RERG: variants seen among roughly 807,000 people sequenced by gnomAD.
RERG encodes the protein ras-related and estrogen-regulated growth inhibitor.
Under a neutral mutation model 23.2 loss-of-function variants are expected in RERG, and 25 were observed. That is an observed-to-expected ratio of 1.08 (90% CI 0.79 to 1.50). The LOEUF (loss-of-function observed/expected upper bound fraction) is 1.50. Ranked by LOEUF, RERG falls within the 40% of genes most tolerant of loss-of-function variation. The pLI is 0.00. For missense variants in RERG, 253 were observed against 250.1 expected (o/e 1.01, Z -0.08); for synonymous variants, 81 against 89.1 (o/e 0.91, Z 0.51).
intron 2 of RERG, among the ~76,000 whole-genome samples, chr12:15,123,107 GT>G (rs1863867353): frequency 6.6e-6 from 1 of 152,066 alleles, no homozygotes; most frequent in South Asian, 2.1e-4. Flanking sequence ...AGACTATGTA[GT>G]TTTAACACTA....
chr12:15,173,078 T>C (rs1343624028), intron 2 of RERG, among the ~76,000 whole-genome samples: 2 of 152,038 alleles, frequency 1.3e-5, no homozygotes, highest in Non-Finnish European at 2.9e-5. Flanking sequence ...CAAACACTCT[T>C]AGGTTTTATT....
At chr12:15,110,144 A>G (rs1414511722) in intron 4 of RERG, among the ~76,000 whole-genome samples, 3 of 152,036 alleles carry the variant, frequency 2.0e-5, no homozygotes, top group Non-Finnish European at 4.4e-5. Flanking sequence ...CAGAAACTCT[A>G]TTGAAGGGAT....
chr12:15,211,735 C>T (rs1206578117), intron 2 of RERG, among the ~76,000 whole-genome samples: 1 of 152,140 alleles, frequency 6.6e-6, no homozygotes, highest in Non-Finnish European at 1.5e-5. Flanking sequence ...GCTAATTCAC[C>T]TGGTTTGATC....
intron 2 of RERG, among the ~76,000 whole-genome samples, chr12:15,150,425 C>G (rs1181348248): frequency 1.3e-5 from 2 of 152,178 alleles, no homozygotes; most frequent in African/African-American, 4.8e-5. Flanking sequence ...TTGGAGCTCT[C>G]TGTTTCATTT....
intron 2 of RERG, among the ~76,000 whole-genome samples, chr12:15,159,824 A>T (rs1207680339): frequency 6.6e-6 from 1 of 151,466 alleles, no homozygotes; most frequent in Non-Finnish European, 1.5e-5. Flanking sequence ...ACTCCGTCTC[A>T]AACAAACAAA....
At chr12:15,143,869 G>A (rs1393734700) in intron 2 of RERG, among the ~76,000 whole-genome samples, 1 of 152,126 alleles carries the variant, frequency 6.6e-6, no homozygotes, top group Non-Finnish European at 1.5e-5. Context: ...TGTCATCTAG[G>A]CAAAGACCCA....
chr12:15,134,536 C>T (rs563652508), intron 2 of RERG, among the ~76,000 whole-genome samples: 3 of 151,990 alleles, frequency 2.0e-5, no homozygotes, highest in African/African-American at 7.2e-5. Context: ...TGAAGTCAGT[C>T]CTCTGAATGT....
intron 2 of RERG, among the ~76,000 whole-genome samples, chr12:15,134,072 G>GT (rs77213748): frequency 0.082 from 12,385 of 151,720 alleles, 698 homozygotes; most frequent in East Asian, 0.25. Context: ...TCTAGACAGT[G>GT]TTTTTTTCAC....
intron 2 of RERG, among the ~76,000 whole-genome samples, chr12:15,196,145 A>G (rs1865141129): frequency 6.6e-6 from 1 of 152,154 alleles, no homozygotes; most frequent in Non-Finnish European, 1.5e-5. Flanking sequence ...TTCCATGGGT[A>G]AGCTCTGCCT....
At chr12:15,214,587 T>A (rs892430118) in intron 2 of RERG, among the ~76,000 whole-genome samples, 1 of 152,328 alleles carries the variant, frequency 6.6e-6, no homozygotes, top group Non-Finnish European at 1.5e-5. Flanking sequence ...AGTAGAAAGA[T>A]AAATGTGTGA....
chr12:15,198,243 C>T (rs1865171257), intron 2 of RERG, among the ~76,000 whole-genome samples: 1 of 152,070 alleles, frequency 6.6e-6, no homozygotes, highest in Non-Finnish European at 1.5e-5. Context: ...CAATGCACCC[C>T]TTTCTTGGTC....
intron 2 of RERG, among the ~76,000 whole-genome samples, chr12:15,131,011 G>A (rs1376872591): frequency 6.6e-6 from 1 of 152,038 alleles, no homozygotes; most frequent in African/African-American, 2.4e-5. Flanking sequence ...AAAAATGGCA[G>A]AATCATTGCT....
At chr12:15,110,690 G>A (rs1329361685) in intron 4 of RERG, among the ~76,000 whole-genome samples, 4 of 151,760 alleles carry the variant, frequency 2.6e-5, no homozygotes, top group Non-Finnish European at 5.9e-5. Flanking sequence ...ATGTTAGCCA[G>A]GATGGTCTCG....
rs577243666 is a variant in RERG at position 15,166,545 on chromosome 12, T to G, written c.62-45426A>C. Among the ~76,000 whole-genome samples, 399 of 151,410 alleles carry G rather than the reference T, an allele frequency of 2.6e-3. 1 individual carries two copies. Among genetic ancestry groups the G allele is most frequent in the African/African-American group, 9.4e-3 (390 of 41,358 alleles). On this transcript the variant is annotated intron_variant, in intron 2 of 4. Transcript: ENST00000256953. ...GTGATGGTGGTGGTGGTGGTGGTAG[T>G]GGTGTTGGTGGTGGTGTTGGTGGTG... is the stretch of plus-strand genomic sequence containing the variant.
At chr12:15,165,286 G>T (rs1284743003) in intron 2 of RERG, among the ~76,000 whole-genome samples, 2 of 151,984 alleles carry the variant, frequency 1.3e-5, no homozygotes, top group African/African-American at 4.8e-5. Flanking sequence ...AACTAGATTG[G>T]AACTCATGTA....
At chr12:15,139,166 T>C (rs1362367314) in intron 2 of RERG, among the ~76,000 whole-genome samples, 1 of 152,006 alleles carries the variant, frequency 6.6e-6, no homozygotes, top group Non-Finnish European at 1.5e-5. Flanking sequence ...CTGAGCTCTT[T>C]ATTCTGTTTC....
rs544764830 is a variant in RERG, at chr12:15,215,880, C to T, written c.61+1549G>A. ...TGAAGATGGGAAACGGATGGACGCACGTACAGCTACGTGGTTCTCTCAGCT... is the reference window on the plus strand; with the variant it reads ...TGAAGATGGGAAACGGATGGACGCATGTACAGCTACGTGGTTCTCTCAGCT... On this transcript the variant is annotated intron_variant, in intron 2 of 4. Transcript: ENST00000256953. Among the ~76,000 whole-genome samples, 8 of 152,248 alleles carry T rather than the reference C, an allele frequency of 5.3e-5. No individual in the cohort carries two copies. The East Asian group carries it at 7.7e-4, about 15-fold the overall frequency.
chr12:15,143,201 G>A (rs1430825682), intron 2 of RERG, among the ~76,000 whole-genome samples: 1 of 152,056 alleles, frequency 6.6e-6, no homozygotes, highest in Non-Finnish European at 1.5e-5. Flanking sequence ...AAGAAAATTC[G>A]ACGGTAATTA....
At chr12:15,176,339 C>T (rs1864850971) in intron 2 of RERG, among the ~76,000 whole-genome samples, 1 of 152,158 alleles carries the variant, frequency 6.6e-6, no homozygotes. Context: ...TCAGCACCTT[C>T]TTCATATCAC....
Sources: gnomAD v4.1 joint callset for allele counts (sites outside exome capture counted in the v4.1 genomes callset) on GRCh38, gnomAD v4.1.1 for gene constraint, MANE v1.5 for transcripts, NCBI Gene and HGNC (gene_info 2026-07-23, HGNC 2026-07-21) for gene names.